The following ZFP14 variants were observed in gnomAD, a reference collection of about 807,000 sequenced individuals.
ZFP14 encodes zinc finger protein 14 homolog.
A neutral mutation model predicts 54.5 loss-of-function variants in ZFP14; 22 were observed. That is an observed-to-expected ratio of 0.40 (90% CI 0.29 to 0.58). ZFP14 has a LOEUF of 0.58. Ranked by LOEUF, ZFP14 falls within the 20% of genes least tolerant of loss-of-function variation. The pLI, the probability that ZFP14 is intolerant of heterozygous loss-of-function variation, is 0.39. For missense variants in ZFP14, 470 were observed against 637.8 expected (o/e 0.74, Z 2.83); for synonymous variants, 159 against 204.0 (o/e 0.78, Z 1.88).
chr19:36,348,752 C>T (rs1293601982), intron 4 of ZFP14, among the ~76,000 whole-genome samples: 1 of 152,134 alleles, frequency 6.6e-6, no homozygotes, highest in East Asian at 1.9e-4. Context: ...GCCTGTGCTG[C>T]AACCTTCTGG....
intron 4 of ZFP14, among the ~76,000 whole-genome samples, chr19:36,346,692 G>A (rs949291164): frequency 1.3e-5 from 2 of 152,166 alleles, no homozygotes; most frequent in African/African-American, 2.4e-5. Flanking sequence ...TATTGACCTC[G>A]TGATCCACCT....
At chr19:36,375,259 A>C (rs139271097) in intron 1 of ZFP14, among the ~76,000 whole-genome samples, 1 of 152,176 alleles carries the variant, frequency 6.6e-6, no homozygotes, top group Non-Finnish European at 1.5e-5. Context: ...TCTGTATGAA[A>C]CCCAGTTACC....
rs1370641453 is a variant in ZFP14 at position 36,354,342 on chromosome 19, G to A, written c.235+6093C>T. Reference sequence around the variant, plus strand: ...GCTGAGATGGTGCAACTGCACTCCAGGCTGGGCGACAGAGAGAGATTCCAT... The same window carrying A: ...GCTGAGATGGTGCAACTGCACTCCAAGCTGGGCGACAGAGAGAGATTCCAT... On this transcript the variant is annotated intron_variant, in intron 4 of 4. Transcript: ENST00000270001. Among the ~76,000 whole-genome samples the A allele has an allele frequency of 9.9e-5, 13 of 130,778 alleles. 1 individual carries two copies. 85.8% of individuals were successfully genotyped at this position (130,778 alleles called of 152,430 possible).
chr19:36,373,115 T>C (rs966569249), intron 1 of ZFP14, among the ~76,000 whole-genome samples: 4 of 151,810 alleles, frequency 2.6e-5, no homozygotes, highest in Admixed American at 1.3e-4. Context: ...CTGTCTCTAC[T>C]AAAAATACAA....
At chr19:36,365,740 C>T (rs1393375857) in intron 2 of ZFP14, among the ~76,000 whole-genome samples, 1 of 152,064 alleles carries the variant, frequency 6.6e-6, no homozygotes, top group African/African-American at 2.4e-5. Context: ...GGGAGAATCA[C>T]TTGAGCCCAG....
chr19:36,363,034 A>G (rs982614513), intron 2 of ZFP14, among the ~76,000 whole-genome samples: 2 of 152,106 alleles, frequency 1.3e-5, no homozygotes, highest in Admixed American at 6.6e-5. Flanking sequence ...CGTCTACAAT[A>G]TCTAATCTTT....
rs1600065685 is a variant in ZFP14 at position 36,341,955 on chromosome 19, C to T, written c.236-365G>A. Among the ~76,000 whole-genome samples the T allele has an allele frequency of 6.6e-6, 1 of 151,518 alleles. No individual in the cohort carries two copies. The highest frequency in any genetic ancestry group is 2.1e-4 in the South Asian group (1 of 4,806). On this transcript the variant is annotated intron_variant, in intron 4 of 4. Coordinates refer to ENST00000270001, the MANE Select transcript of ZFP14 (RefSeq NM_020917.3). This position sits in a 1 kb window ranked among gnomAD's most constrained non-coding sequence, Gnocchi z 4.2. ...AAAGCTCCGCCTCCCGGGTTCACGC[C>T]ATTCTCCTGCCTCAGCCTCCCAAGT...
At chr19:36,360,569 C>G in intron 3 of ZFP14, 36 bp from the exon 4 acceptor site, 1 of 1,562,216 alleles carries the variant, frequency 6.4e-7, no homozygotes, top group Non-Finnish European at 8.7e-7. Flanking sequence ...GAATTATACA[C>G]CAGAAAATCT....
chr19:36,353,127 C>A (rs1375769740), intron 4 of ZFP14, among the ~76,000 whole-genome samples: 1 of 141,630 alleles, frequency 7.1e-6, no homozygotes, highest in Non-Finnish European at 1.6e-5. Flanking sequence ...CTTACCCACA[C>A]TGGGGATGGG....
At position 36,354,535 on chromosome 19, in the gene ZFP14, C is replaced by T. The variant is rs550290768; in HGVS notation, c.235+5900G>A. On this transcript the variant is annotated intron_variant, in intron 4 of 4. Transcript: ENST00000270001. Reference sequence around the variant, plus strand: ...GCAGTTCCTCAAAAATACAAAGCTCCCCTCAGCCCACCCAAAGCCTTTGTA... The same window carrying T: ...GCAGTTCCTCAAAAATACAAAGCTCTCCTCAGCCCACCCAAAGCCTTTGTA... 1.5e-4 allele frequency among the ~76,000 whole-genome samples: 22 copies of T among 142,066 alleles called. 2 individuals carry two copies. Among genetic ancestry groups the T allele is most frequent in the African/African-American group, 5.4e-4 (21 of 38,820 alleles). 93.2% of individuals were successfully genotyped at this position (142,066 alleles called of 152,430 possible).
chr19:36,370,417 A>G (rs996304461), intron 1 of ZFP14, among the ~76,000 whole-genome samples: 1 of 152,248 alleles, frequency 6.6e-6, no homozygotes, highest in African/African-American at 2.4e-5. Context: ...CTGCTCTGGC[A>G]TCAGGAAAGA....
chr19:36,338,884 G>A lies in ZFP14; in HGVS notation c.*1340C>T, dbSNP rs1284427523. On this transcript the variant is annotated 3_prime_UTR_variant, in exon 5 of 5. Transcript: ENST00000270001. ...TATACACAACAATATTAAATTCCTAGGTGGTTAATTTCTTTTAAGCCACAT... is the reference window on the plus strand; with the variant it reads ...TATACACAACAATATTAAATTCCTAAGTGGTTAATTTCTTTTAAGCCACAT... 6.6e-6 allele frequency: 1 copy of A among 152,078 alleles called. No individual in the cohort carries two copies. The highest frequency in any genetic ancestry group is 1.5e-5 in the Non-Finnish European group (1 of 68,014). The allele number at this position is 152,078 out of a possible 1,614,324, so 9.4% of individuals were successfully genotyped here. A position where few individuals can be genotyped will look rare whatever the true frequency, so the allele number is the denominator to read the frequency against.
At chr19:36,351,606 A>G (rs1568467955) in intron 4 of ZFP14, among the ~76,000 whole-genome samples, 1 of 143,840 alleles carries the variant, frequency 7.0e-6, no homozygotes, top group East Asian at 2.1e-4. Flanking sequence ...TACGCCTGTA[A>G]TCACAGTACT....
intron 4 of ZFP14, among the ~76,000 whole-genome samples, chr19:36,359,113 T>C (rs576996344): frequency 6.6e-6 from 1 of 152,338 alleles, no homozygotes; most frequent in Non-Finnish European, 1.5e-5. Flanking sequence ...CTTTTCCTTG[T>C]AAATTACTGA....
intron 1 of ZFP14, among the ~76,000 whole-genome samples, chr19:36,369,263 C>T (rs918930258): frequency 4.6e-5 from 7 of 152,126 alleles, no homozygotes; most frequent in Non-Finnish European, 4.4e-5. Flanking sequence ...CAGTTGTCCT[C>T]GGTACTGTTC....
intron 1 of ZFP14, 87 bp downstream of exon 1, chr19:36,379,075 CA>C: frequency 6.6e-6 from 1 of 152,640 alleles, no homozygotes; most frequent in Admixed American, 6.5e-5. Context: ...ACAAACTCCA[CA>C]GCTACTGCCT....
chr19:36,348,679 T>C (rs1246543012), intron 4 of ZFP14, among the ~76,000 whole-genome samples: 1 of 152,128 alleles, frequency 6.6e-6, no homozygotes, highest in Admixed American at 6.5e-5. Context: ...GTATTTTTGG[T>C]AGAGACGGTT....
chr19:36,340,932 G>A lies in ZFP14; in HGVS notation c.894C>T (p.His298=), dbSNP rs772275065. The A allele has an allele frequency of 1.9e-6, 3 of 1,612,824 alleles. No homozygotes were observed. In the Admixed American group the frequency reaches 5.0e-5, roughly 27 times the overall value. Residue 298 remains histidine, a synonymous_variant, in exon 5 of 5, where the codon CAC becomes CAT. Coordinates refer to ENST00000270001, the MANE Select transcript of ZFP14 (RefSeq NM_020917.3). This position sits in a 1 kb window ranked among gnomAD's most constrained non-coding sequence, Gnocchi z 5.4. ...TATGAAGTCTCTGATGGCGTGTAAG[G>A]TGTGTACACTGTCTAAAGGTCTTTC... ...DCGKTFRQCT[H]LTRHQRLHTA... is the part of the protein sequence containing the mutation.
At chr19:36,376,371 C>A (rs1363207678) in intron 1 of ZFP14, among the ~76,000 whole-genome samples, 1 of 152,000 alleles carries the variant, frequency 6.6e-6, no homozygotes, top group East Asian at 1.9e-4. Flanking sequence ...CATAGTGAAA[C>A]CCCATCTCTA....
Sources: allele counts gnomAD v4.1 joint callset (sites outside exome capture counted in the v4.1 genomes callset), GRCh38; gene constraint gnomAD v4.1.1; non-coding constraint Gnocchi (gnomAD v3.1); transcripts MANE v1.5; gene names NCBI Gene and HGNC (gene_info 2026-07-23, HGNC 2026-07-21).